The following CYLC2 variants were observed in gnomAD, a reference collection of about 807,000 sequenced individuals.
The protein encoded by CYLC2 is cylicin-2.
In CYLC2, 30 loss-of-function variants were observed where a neutral mutation model predicts 26.1. The observed-to-expected ratio is 1.15, with a 90% CI of 0.86 to 1.56. The LOEUF (loss-of-function observed/expected upper bound fraction) is 1.56, where lower values mean the gene tolerates loss of function less well. Among genes scored for constraint, CYLC2 ranks in the 40% most tolerant of loss-of-function variants. CYLC2 has a pLI of 0.00. For missense variants in CYLC2, 498 were observed against 394.4 expected, an observed-to-expected ratio of 1.26 and a Z score of -2.23; for synonymous variants, 158 against 132.8, an observed-to-expected ratio of 1.19 and a Z score of -1.31.
chr9:102,995,912 T>C (rs1829232608), intron 1 of CYLC2, among the ~76,000 whole-genome samples: 1 of 151,864 alleles, frequency 6.6e-6, no homozygotes, highest in South Asian at 2.1e-4. Context: ...GTGGAAGTAC[T>C]TTGTAATGTA....
In CYLC2 at chr9:103,004,983, G is replaced by C. The variant is rs576481135; in HGVS notation, c.352G>C (p.Gly118Arg). Residue 118 changes from glycine (G) to arginine (R), a missense_variant, in exon 5 of 8, where the codon GGT becomes CGT. Transcript: ENST00000374798. ...TTTATCCCCAGAAATTGGTAAGAAA[G>C]GTGAAGACAAGACAACACAGAAGGA... Reference protein sequence around the residue: ...DSKAAEIGKKGEDKTTQKDTT... With the variant: ...DSKAAEIGKKREDKTTQKDTT... The C allele has an allele frequency of 6.3e-7, 1 of 1,580,754 alleles. No homozygotes were observed. Among genetic ancestry groups the C allele is most frequent in the Non-Finnish European group, 8.5e-7 (1 of 1,171,734 alleles).
intron 5 of CYLC2, among the ~76,000 whole-genome samples, chr9:103,006,846 T>A (rs914693122): frequency 6.6e-6 from 1 of 152,154 alleles, no homozygotes; most frequent in Non-Finnish European, 1.5e-5. Context: ...ATCTATTTTA[T>A]AGCATGGTGA....
intron 5 of CYLC2, among the ~76,000 whole-genome samples, chr9:103,006,925 T>C (rs1275114411): frequency 6.6e-6 from 1 of 152,130 alleles, no homozygotes; most frequent in Non-Finnish European, 1.5e-5. Context: ...TGTGCTCTCA[T>C]CGCATAAATG....
chr9:103,004,975 G>T lies in CYLC2; in HGVS notation c.344G>T (p.Gly115Val), dbSNP rs1190520769. The T allele has an allele frequency of 1.9e-6, 3 of 1,579,536 alleles. No individual in the cohort carries two copies. The East Asian group carries it at 6.7e-5, about 35-fold the overall frequency. Residue 115 changes from glycine to valine, a missense_variant, in exon 5 of 8, where the codon GGT (glycine) becomes GTT (valine). Coordinates refer to ENST00000374798, the MANE Select transcript of CYLC2 (RefSeq NM_001340.5). ...TTTGAATATTTATCCCCAGAAATTG[G>T]TAAGAAAGGTGAAGACAAGACAACA... ...VEVDSKAAEI[G>V]KKGEDKTTQK...
intron 2 of CYLC2, 76 bp from the exon 3 acceptor site, chr9:103,003,066 G>T (rs2298048): frequency 8.4e-6 from 13 of 1,549,746 alleles, no homozygotes; most frequent in South Asian, 7.1e-5. Context: ...CATGATATAC[G>T]TTGCACGTAA....
chr9:103,017,837 C>T (rs374066302), intron 7 of CYLC2, among the ~76,000 whole-genome samples: 3 of 152,000 alleles, frequency 2.0e-5, no homozygotes, highest in South Asian at 4.1e-4. Flanking sequence ...AGCCTCTCTC[C>T]TTGGCCTCTA....
rs1829528873 is a variant in CYLC2 at position 103,018,366 on chromosome 9, A to T, written c.*932A>T. On this transcript the variant is annotated 3_prime_UTR_variant, in exon 8 of 8. Coordinates refer to ENST00000374798, the MANE Select transcript of CYLC2 (RefSeq NM_001340.5). The stretch of plus-strand genomic sequence containing the variant: ...GATTGGACATTACACCACACTGGAA[A>T]AGTGAAACATCTCATTCAGTTGGTG... 6.6e-6 allele frequency: 1 copy of T among 151,964 alleles called. No homozygotes were observed. The highest frequency in any genetic ancestry group is 2.1e-4 in the South Asian group (1 of 4,832). The allele number at this position is 151,964 out of a possible 1,614,324, so 9.4% of individuals were successfully genotyped here. A position where few individuals can be genotyped will look rare whatever the true frequency, so the allele number is the denominator to read the frequency against.
rs554497075 is a variant in CYLC2 at position 102,998,392 on chromosome 9, TA to T, written c.17+2997del. On this transcript the variant is annotated intron_variant, in intron 1 of 7. Transcript: ENST00000374798. ...AGGGATATACTAAGTTTATTTTCAA[TA>T]AGACAGTTTGTAAGTTTCTTTAATA... Among the ~76,000 whole-genome samples, 769 of 152,050 alleles carry T rather than the reference TA, an allele frequency of 5.1e-3. 8 individuals are homozygous for T. The highest frequency in any genetic ancestry group is 0.017 in the African/African-American group (718 of 41,538).
chr9:102,995,810 G>T (rs879517477), intron 1 of CYLC2, among the ~76,000 whole-genome samples: 1 of 151,736 alleles, frequency 6.6e-6, no homozygotes, highest in Non-Finnish European at 1.5e-5. Flanking sequence ...GCATTATATC[G>T]CAGTGTTAAC....
At chr9:103,014,475 A>AAT (rs1166092327) in intron 6 of CYLC2, among the ~76,000 whole-genome samples, 6 of 139,112 alleles carry the variant, frequency 4.3e-5, no homozygotes, top group Non-Finnish European at 7.7e-5. Context: ...TAATATACAT[A>AAT]ATATGTATAT....
chr9:103,013,002 A>G (rs1321208064), intron 6 of CYLC2, among the ~76,000 whole-genome samples: 2 of 149,452 alleles, frequency 1.3e-5, no homozygotes, highest in African/African-American at 2.4e-5. Flanking sequence ...TGGAAAAAAA[A>G]GGAAAGGGTA....
chr9:103,014,167 A>C (rs1419859285), intron 6 of CYLC2, among the ~76,000 whole-genome samples: 1 of 121,274 alleles, frequency 8.2e-6, no homozygotes, highest in Non-Finnish European at 1.6e-5. Flanking sequence ...TATAATATGA[A>C]TATTATATAT....
chr9:103,014,975 G>C (rs1396019815), intron 6 of CYLC2, among the ~76,000 whole-genome samples: 1 of 127,502 alleles, frequency 7.8e-6, no homozygotes, highest in African/African-American at 2.9e-5. Context: ...ATATTATGTA[G>C]TATACATAAT....
At chr9:102,998,755 T>C in intron 1 of CYLC2, among the ~76,000 whole-genome samples, 1 of 151,970 alleles carries the variant, frequency 6.6e-6, no homozygotes, top group East Asian at 1.9e-4. Flanking sequence ...AGATACATTA[T>C]GACAGATTCC....
intron 1 of CYLC2, 40 bp from the exon 2 acceptor site, chr9:103,001,538 T>C (rs987252937): frequency 7.9e-7 from 1 of 1,267,814 alleles, no homozygotes; most frequent in Non-Finnish European, 1.1e-6. Context: ...CAGTGATTTT[T>C]ATATAAATTA....
chr9:103,003,649 T>C (rs1307293493), intron 3 of CYLC2, among the ~76,000 whole-genome samples: 1 of 152,180 alleles, frequency 6.6e-6, no homozygotes, highest in East Asian at 1.9e-4. Flanking sequence ...TTTTACTGTA[T>C]ACAGTTGCCC....
At chr9:103,014,313 T>C (rs1244223751) in intron 6 of CYLC2, among the ~76,000 whole-genome samples, 1 of 134,916 alleles carries the variant, frequency 7.4e-6, no homozygotes, top group Non-Finnish European at 1.5e-5. Flanking sequence ...TATATTACAT[T>C]GTATATATTA....
At position 103,005,374 on chromosome 9, in the gene CYLC2, A is replaced by T. The variant is rs1829333140; in HGVS notation, c.743A>T (p.Lys248Ile). 4 of 1,613,918 alleles carry T rather than the reference A, an allele frequency of 2.5e-6. No individual in the cohort carries two copies. Among genetic ancestry groups the T allele is most frequent in the Non-Finnish European group, 3.4e-6 (4 of 1,180,000 alleles). The stretch of plus-strand genomic sequence containing the variant: ...GATGAAAAGAAGGATGAGGATGGAA[A>T]AAAAGATGCAAACAAAGGTGATGAA... The part of the protein sequence containing the change: ...KADEKKDEDG[K>I]KDANKGDESK... The change falls in exon 5 of 8, where the codon AAA (lysine) becomes ATA (isoleucine). Residue 248 changes from lysine to isoleucine, a missense_variant. Coordinates refer to ENST00000374798, the MANE Select transcript of CYLC2 (RefSeq NM_001340.5).
intron 6 of CYLC2, among the ~76,000 whole-genome samples, chr9:103,014,940 C>T (rs1430740376): frequency 7.8e-6 from 1 of 128,034 alleles, no homozygotes; most frequent in Non-Finnish European, 1.6e-5. Flanking sequence ...ATGTAGTATA[C>T]ATAATACATG....
Sources: allele counts gnomAD v4.1 joint callset (sites outside exome capture counted in the v4.1 genomes callset), GRCh38; gene constraint gnomAD v4.1.1; transcripts MANE v1.5; gene names NCBI Gene and HGNC (gene_info 2026-07-23, HGNC 2026-07-21).